Variants in ASAH2 observed in about 807,000 individuals in gnomAD.
ASAH2 encodes N-acylsphingosine amidohydrolase 2, also known as neutral ceramidase.
ASAH2 carries 58 observed loss-of-function variants against 82.9 expected under a neutral mutation model. That is an observed-to-expected ratio of 0.70 (90% CI 0.57 to 0.87). The LOEUF (loss-of-function observed/expected upper bound fraction) is 0.87. Ranked by LOEUF, ASAH2 falls within the 40% of genes least tolerant of loss-of-function variation. The pLI, the probability that ASAH2 is intolerant of heterozygous loss-of-function variation, is 0.00. For missense variants in ASAH2, 779 were observed against 834.0 expected, an observed-to-expected ratio of 0.93 and a Z score of 0.81; for synonymous variants, 276 against 289.7, an observed-to-expected ratio of 0.95 and a Z score of 0.48.
chr10:50,190,700 G>T (rs1341136254), intron 19 of ASAH2, among the ~76,000 whole-genome samples: 1 of 142,384 alleles, frequency 7.0e-6, no homozygotes, highest in African/African-American at 2.7e-5. Flanking sequence ...TGCATAATTA[G>T]GTACTGCATA....
chr10:50,211,148 A>G lies in ASAH2; in HGVS notation c.1228-14T>C. The stretch of plus-strand genomic sequence containing the variant: ...GGCATAGAGTTCCTAGAAAACACAC[A>G]GGCTTATTATTCCAAGCAAAAAGGC... On this transcript the variant is annotated splice_polypyrimidine_tract_variant and intron_variant, in intron 10 of 20. Transcript: ENST00000682911. 2 of 1,588,812 alleles carry G rather than the reference A, an allele frequency of 1.3e-6. No individual in the cohort carries two copies. The highest frequency in any genetic ancestry group is 1.7e-5 in the Admixed American group (1 of 59,888).
rs1236892176 is a variant in ASAH2 at position 50,234,427 on chromosome 10, T to G, written c.813A>C (p.Ala271=). The G allele has an allele frequency of 6.2e-7, 1 of 1,613,060 alleles. No individual in the cohort carries two copies. Among genetic ancestry groups the G allele is most frequent in the Admixed American group, 1.7e-5 (1 of 59,966 alleles). The change falls in exon 6 of 21, where the codon GCA becomes GCC. Residue 271 remains alanine (A), a splice_region_variant and synonymous_variant. Coordinates refer to ENST00000682911, the MANE Select transcript of ASAH2 (RefSeq NM_019893.4). ...TCATTTTGACGATTCCTCCTCACCTTGCTCTCTCTGACTGCGGATTTTGAA... is the reference window on the plus strand; with the variant it reads ...TCATTTTGACGATTCCTCCTCACCTGGCTCTCTCTGACTGCGGATTTTGAA... ...SYLQNPQSER[A]RYSSNTDKEM...
chr10:50,202,982 T>A (rs1446033438), intron 15 of ASAH2, 58 bp from the exon 16 acceptor site: 47 of 1,130,714 alleles, frequency 4.2e-5, no homozygotes, highest in Non-Finnish European at 5.8e-5. Context: ...TATATTTTCA[T>A]TCTGTTATCC....
At chr10:50,237,191 A>G (rs999178222) in intron 4 of ASAH2, among the ~76,000 whole-genome samples, 19 of 152,180 alleles carry the variant, frequency 1.2e-4, no homozygotes, top group African/African-American at 4.6e-4. Context: ...CATTTCCCAA[A>G]TGAAGAATTC....
At chr10:50,230,427 C>T (rs1845993008) in intron 7 of ASAH2, among the ~76,000 whole-genome samples, 1 of 152,092 alleles carries the variant, frequency 6.6e-6, no homozygotes, top group African/African-American at 2.4e-5. Flanking sequence ...TAACAGCAGG[C>T]ATCTACATAT....
intron 7 of ASAH2, among the ~76,000 whole-genome samples, chr10:50,228,537 G>C (rs1426827526): frequency 6.6e-6 from 1 of 152,172 alleles, no homozygotes; most frequent in Non-Finnish European, 1.5e-5. Context: ...TATATATACT[G>C]CAACTGAGTT....
At chr10:50,245,523 C>A in intron 2 of ASAH2, 69 bp from the exon 3 acceptor site, 2 of 1,358,500 alleles carry the variant, frequency 1.5e-6, no homozygotes, top group Non-Finnish European at 2.0e-6. Flanking sequence ...AATTAGAACA[C>A]AATATATAGG....
rs151087837 is a variant in ASAH2 at position 50,243,215 on chromosome 10, C to T, written c.497G>A (p.Arg166Lys). The change falls in exon 4 of 21, where the codon AGG (arginine) becomes AAG (lysine). Residue 166 changes from arginine to lysine, a missense_variant. This residue lies in a region of ASAH2 where 759 missense variants were observed against 755.2 expected (regional missense o/e 1.00). Transcript: ENST00000682911. The part of the protein sequence containing the change: ...VSIDIGMVSQ[R>K]LRLEVLNRLQ... ...CAAATCACTTACCTCCAGCCTGAGC[C>T]TTTGTGATACCATGCCTATGTCGAT... 2.7e-5 allele frequency: 43 copies of T among 1,614,042 alleles called. No individual in the cohort carries two copies. Among genetic ancestry groups the T allele is most frequent in the Non-Finnish European group, 3.5e-5 (41 of 1,179,960 alleles).
intron 7 of ASAH2, 142 bp downstream of exon 7, chr10:50,233,042 G>C: frequency 1.3e-6 from 1 of 755,148 alleles, no homozygotes; most frequent in Non-Finnish European, 2.4e-6. Flanking sequence ...CTGGACCCCA[G>C]TTGTGTCTGA....
rs1056788760 is a variant in ASAH2 at position 50,232,699 on chromosome 10, T to C, written c.893+485A>G. Among the ~76,000 whole-genome samples, 5 of 152,160 alleles carry C rather than the reference T, an allele frequency of 3.3e-5. 1 individual carries two copies. The South Asian group carries it at 8.3e-4, about 25-fold the overall frequency. ...ACTTGCTTCCTTTAGGTGTTCTCAG[T>C]TCTATTTTATCCCTACTTGCCATTG... On this transcript the variant is annotated intron_variant, in intron 7 of 20. Coordinates refer to ENST00000682911, the MANE Select transcript of ASAH2 (RefSeq NM_019893.4).
intron 12 of ASAH2, among the ~76,000 whole-genome samples, chr10:50,208,570 G>A (rs1845369848): frequency 7.6e-6 from 1 of 131,664 alleles, no homozygotes; most frequent in African/African-American, 2.7e-5. Context: ...ATAGAAAAGA[G>A]TGAAATACTA....
chr10:50,235,861 C>G (rs1258024324), intron 5 of ASAH2, 27 bp downstream of exon 5: 11 of 1,611,206 alleles, frequency 6.8e-6, no homozygotes, highest in Non-Finnish European at 9.3e-6. Flanking sequence ...TGGTAAAGAA[C>G]AGCTGCCTCT....
chr10:50,235,827 C>T (rs943522120), intron 5 of ASAH2, 61 bp downstream of exon 5: 15 of 1,555,744 alleles, frequency 9.6e-6, no homozygotes, highest in Non-Finnish European at 1.3e-5. Context: ...CACATCCAAT[C>T]ACTCCTAAAA....
At chr10:50,203,070 TG>T (rs1308716177) in intron 15 of ASAH2, 146 bp from the exon 16 acceptor site, 3 of 656,428 alleles carry the variant, frequency 4.6e-6, no homozygotes, top group African/African-American at 1.8e-5. Context: ...GCACTACAGT[TG>T]GACAAGTCAA....
chr10:50,201,393 G>A (rs1845143988), intron 16 of ASAH2, among the ~76,000 whole-genome samples: 1 of 152,050 alleles, frequency 6.6e-6, no homozygotes, highest in South Asian at 2.1e-4. Flanking sequence ...TGGAGTAGCA[G>A]GCACCCATAC....
At chr10:50,249,122 C>T (rs1274767653) in intron 1 of ASAH2, among the ~76,000 whole-genome samples, 3 of 152,204 alleles carry the variant, frequency 2.0e-5, no homozygotes, top group Admixed American at 2.0e-4. Flanking sequence ...GTAGAATTAT[C>T]TTGTTCACCT....
chr10:50,225,930 A>T (rs1029933809), intron 7 of ASAH2, among the ~76,000 whole-genome samples: 11 of 151,938 alleles, frequency 7.2e-5, no homozygotes, highest in Admixed American at 2.0e-4. Context: ...GTCTCTACTA[A>T]AAAACTACAA....
chr10:50,194,240 A>G (rs1844915558), intron 18 of ASAH2, among the ~76,000 whole-genome samples: 1 of 151,512 alleles, frequency 6.6e-6, no homozygotes, highest in Non-Finnish European at 1.5e-5. Flanking sequence ...CCTCATGGAC[A>G]TGAGTAGAAA....
intron 15 of ASAH2, among the ~76,000 whole-genome samples, 154 bp downstream of exon 15, chr10:50,203,486 T>A (rs1845213932): frequency 6.6e-6 from 1 of 152,058 alleles, no homozygotes; most frequent in Admixed American, 6.6e-5. Flanking sequence ...TTATGTTTTT[T>A]AAGTCTGGTT....
Sources: allele counts gnomAD v4.1 joint callset (sites outside exome capture counted in the v4.1 genomes callset), GRCh38; gene constraint gnomAD v4.1.1; regional missense constraint gnomAD v4.1.1; transcripts MANE v1.5; gene names NCBI Gene and HGNC (gene_info 2026-07-23, HGNC 2026-07-21).